LCMT1: variants seen among roughly 807,000 people sequenced by gnomAD.
LCMT1 encodes [Phosphatase 2A protein]-leucine-carboxy methyltransferase 1.
LCMT1 carries 32 observed loss-of-function variants against 47.7 expected under a neutral mutation model. The ratio of observed to expected loss-of-function variants is 0.67; its 90% CI spans 0.51 to 0.90. LCMT1 has a LOEUF of 0.90. LCMT1 is among the 40% of genes least tolerant of loss of function. The probability of loss-of-function intolerance (pLI) is 0.00; values close to 1 mark genes in which losing one functional copy is unlikely to be tolerated. For missense variants in LCMT1, 375 were observed against 415.2 expected, an observed-to-expected ratio of 0.90 and a Z score of 0.84; for synonymous variants, 152 against 149.7, an observed-to-expected ratio of 1.02 and a Z score of -0.11.
Position 25,128,446 on chromosome 16 carries a change from T to C in LCMT1, c.114-29T>C, listed in dbSNP as rs1960250896. 2.0e-6 allele frequency: 3 copies of C among 1,538,126 alleles called. No homozygotes were observed. In the African/African-American group the frequency reaches 4.1e-5, roughly 21 times the overall value. ...TGGTCTGAACCTACTCAATCTCTAC[T>C]CACCTTCCTCCTTTTTTCTCCCTTC... is the stretch of plus-strand genomic sequence containing the variant. On this transcript the variant is annotated intron_variant, in intron 1 of 10. Transcript: ENST00000399069.
intron 1 of LCMT1, 109 bp from the exon 2 acceptor site, chr16:25,128,366 G>T: frequency 1.4e-6 from 1 of 706,000 alleles, no homozygotes; most frequent in Non-Finnish European, 2.4e-6. Context: ...TGAGGTGGAT[G>T]GTTGGTTTTC....
rs374138697 is a variant in LCMT1, at chr16:25,120,751, TG to T, written c.114-7723del. 9.2e-4 allele frequency among the ~76,000 whole-genome samples: 130 copies of T among 141,830 alleles called. 3 individuals carry two copies. Among genetic ancestry groups the T allele is most frequent in the African/African-American group, 3.3e-3 (124 of 37,202 alleles). 93.0% of individuals were successfully genotyped at this position (141,830 alleles called of 152,430 possible). The stretch of plus-strand genomic sequence containing the variant: ...GCCTTGTTTTTTTGTTTTTTTTTTT[TG>T]TTTTTTTTTTTTTGAGATGAGGTCT... On this transcript the variant is annotated intron_variant, in intron 1 of 10. Coordinates refer to ENST00000399069, the MANE Select transcript of LCMT1 (RefSeq NM_016309.3).
At chr16:25,172,070 C>A (rs982547919) in intron 9 of LCMT1, among the ~76,000 whole-genome samples, 5 of 152,042 alleles carry the variant, frequency 3.3e-5, no homozygotes, top group Admixed American at 1.3e-4. Flanking sequence ...CTTTGGGAGC[C>A]CAAGGCAGGT....
intron 7 of LCMT1, among the ~76,000 whole-genome samples, chr16:25,165,838 C>T (rs973730039): frequency 1.3e-5 from 2 of 152,078 alleles, no homozygotes; most frequent in African/African-American, 2.4e-5. Context: ...CCTGTTTCTT[C>T]ATCTGAAAAT....
intron 1 of LCMT1, among the ~76,000 whole-genome samples, chr16:25,116,317 C>G (rs536478948): frequency 2.2e-4 from 33 of 152,332 alleles, no homozygotes; most frequent in African/African-American, 7.9e-4. Flanking sequence ...AAGCCACAGT[C>G]ACTTCTATCA....
intron 6 of LCMT1, among the ~76,000 whole-genome samples, chr16:25,163,256 C>T (rs948730599): frequency 6.6e-6 from 1 of 152,124 alleles, no homozygotes; most frequent in Non-Finnish European, 1.5e-5. Context: ...ATCACGAGGT[C>T]AAGAGATTGA....
At chr16:25,173,164 G>T (rs1478615997) in intron 9 of LCMT1, among the ~76,000 whole-genome samples, 25 of 152,222 alleles carry the variant, frequency 1.6e-4, no homozygotes, top group Non-Finnish European at 8.8e-5. Context: ...ATGCTGAGTT[G>T]AGTGTCTGCT....
At chr16:25,150,886 T>A (rs1961058372) in intron 4 of LCMT1, among the ~76,000 whole-genome samples, 1 of 152,190 alleles carries the variant, frequency 6.6e-6, no homozygotes, top group African/African-American at 2.4e-5. Context: ...ATATGCTTTT[T>A]AAGTGATAAA....
At chr16:25,141,335 T>G (rs1483510122) in intron 4 of LCMT1, 1 of 152,188 alleles carries the variant, frequency 6.6e-6, no homozygotes, top group Non-Finnish European at 1.5e-5. Flanking sequence ...GGTAGCCTCT[T>G]GGTGAATCTT....
intron 3 of LCMT1, among the ~76,000 whole-genome samples, chr16:25,133,995 G>A (rs985733674): frequency 1.7e-4 from 25 of 145,932 alleles, no homozygotes; most frequent in African/African-American, 5.1e-4. Context: ...TCATGCCACC[G>A]CACTCCAGCC....
At chr16:25,123,995 A>G (rs945118904) in intron 1 of LCMT1, among the ~76,000 whole-genome samples, 2 of 152,074 alleles carry the variant, frequency 1.3e-5, no homozygotes, top group African/African-American at 4.8e-5. Context: ...AGTTCCCACA[A>G]CTTGTTTCGC....
Position 25,140,147 on chromosome 16 carries a change from A to G in LCMT1, c.328-24A>G, listed in dbSNP as rs1214197684. On this transcript the variant is annotated intron_variant, in intron 3 of 10. Transcript: ENST00000399069. ...AGCACATGTAAGAGTAAAGAAATAA[A>G]AAGTATTGTGTGTTTTTCCCCAGGA... 3.2e-6 allele frequency: 5 copies of G among 1,558,822 alleles called. 1 individual carries two copies. In the East Asian group the frequency reaches 6.8e-5, roughly 21 times the overall value.
At chr16:25,126,608 C>T (rs1462285624) in intron 1 of LCMT1, among the ~76,000 whole-genome samples, 1 of 152,214 alleles carries the variant, frequency 6.6e-6, no homozygotes, top group Admixed American at 6.5e-5. Context: ...TAGCACTTGG[C>T]AGACACCCAC....
intron 1 of LCMT1, among the ~76,000 whole-genome samples, chr16:25,123,934 G>C (rs1282949011): frequency 6.6e-6 from 1 of 152,080 alleles, no homozygotes; most frequent in African/African-American, 2.4e-5. Context: ...CTTTCAAGTT[G>C]ATAGCTCAAA....
intron 4 of LCMT1, chr16:25,142,055 A>G (rs1164795903): frequency 6.6e-6 from 1 of 152,292 alleles, no homozygotes; most frequent in African/African-American, 2.4e-5. Context: ...TTATCCACAC[A>G]AGGGCACGCT....
intron 5 of LCMT1, among the ~76,000 whole-genome samples, chr16:25,155,173 G>C (rs1961214374): frequency 6.6e-6 from 1 of 152,146 alleles, no homozygotes; most frequent in Non-Finnish European, 1.5e-5. Flanking sequence ...AATGTGAAAG[G>C]ATGCATCTTA....
chr16:25,159,966 C>CTT (rs11453219), intron 5 of LCMT1, among the ~76,000 whole-genome samples: 251 of 145,820 alleles, frequency 1.7e-3, no homozygotes, highest in East Asian at 3.4e-3. Flanking sequence ...AATTTGTTAA[C>CTT]TTTTTTTTTT....
Position 25,178,022 on chromosome 16 carries a change from A to C in LCMT1, c.1004A>C (p.Ter335SerextTer39), listed in dbSNP as rs1226998900. ...TCAGGGCTGAAGGAGATAACTTATT[A>C]ATCTGTCGAAGGCTTATGCCGAGCC... ...NELGLKEITY[*>S] The change falls in exon 11 of 11, where the codon TAA becomes TCA. Residue 335 changes from the stop codon to serine (S), a stop_lost. Coordinates refer to ENST00000399069, the MANE Select transcript of LCMT1 (RefSeq NM_016309.3). 5.6e-6 allele frequency: 9 copies of C among 1,613,616 alleles called. No individual in the cohort carries two copies. Among genetic ancestry groups the C allele is most frequent in the South Asian group, 5.5e-5 (5 of 91,054 alleles).
intron 6 of LCMT1, 76 bp from the exon 7 acceptor site, chr16:25,164,522 C>T (rs1567326733): frequency 6.3e-7 from 1 of 1,592,832 alleles, no homozygotes; most frequent in East Asian, 2.2e-5. Context: ...CCCACCAATA[C>T]TGCAACATGT....
Sources: allele counts gnomAD v4.1 joint callset (sites outside exome capture counted in the v4.1 genomes callset), GRCh38; gene constraint gnomAD v4.1.1; transcripts MANE v1.5; gene names NCBI Gene and HGNC (gene_info 2026-07-23, HGNC 2026-07-21).